Variants in LARGE1 observed in about 807,000 individuals in gnomAD.
LARGE1 encodes LARGE xylosyl- and glucuronyltransferase 1.
In LARGE1, 43 loss-of-function variants were observed where a neutral mutation model predicts 87.6. That is an observed-to-expected ratio of 0.49 (90% CI 0.38 to 0.63). LARGE1 has a LOEUF of 0.63. LARGE1 is among the 30% of genes least tolerant of loss of function. The pLI is 0.00. For synonymous variants in LARGE1, 434 were observed against 394.6 expected (o/e 1.10, Z -1.18); for missense variants, 802 against 1,000.2 (o/e 0.80, Z 2.67).
At chr22:33,785,057 G>A (rs1222199044) in intron 1 of LARGE1, among the ~76,000 whole-genome samples, 1 of 144,352 alleles carries the variant, frequency 6.9e-6, no homozygotes, top group Admixed American at 6.9e-5. Context: ...ACATACATGT[G>A]TATATAGATA....
At chr22:33,738,065 A>C (rs1430829536) in intron 2 of LARGE1, among the ~76,000 whole-genome samples, 2 of 152,170 alleles carry the variant, frequency 1.3e-5, no homozygotes, top group East Asian at 3.8e-4. Flanking sequence ...GTGGAGGTGG[A>C]GATGACGTTG....
chr22:33,782,926 T>A (rs927983183), intron 1 of LARGE1, among the ~76,000 whole-genome samples: 11 of 151,130 alleles, frequency 7.3e-5, no homozygotes, highest in Non-Finnish European at 1.6e-4. Context: ...GTGTTCCACT[T>A]CCACTCATCA....
At chr22:33,068,075 T>C in the LARGE1 span, among the ~76,000 whole-genome samples, 2 of 152,182 alleles carry the variant, frequency 1.3e-5, no homozygotes, top group Admixed American at 1.3e-4. Context: ...TGTCCTGTCC[T>C]GAAATCCAGA....
intron 6 of LARGE1, among the ~76,000 whole-genome samples, chr22:33,527,267 C>T (rs570557057): frequency 1.3e-5 from 2 of 152,196 alleles, no homozygotes; most frequent in South Asian, 2.1e-4. Context: ...AAAAAAGAAG[C>T]GAATTCCAAG....
chr22:33,479,147 G>C (rs1207397705), intron 6 of LARGE1, among the ~76,000 whole-genome samples: 3 of 152,166 alleles, frequency 2.0e-5, no homozygotes, highest in African/African-American at 7.2e-5. Flanking sequence ...TCTCCAACTG[G>C]GGGGCGAGGT....
intron 11 of LARGE1, among the ~76,000 whole-genome samples, chr22:33,229,223 C>T (rs757002244): frequency 2.0e-5 from 3 of 152,218 alleles, no homozygotes; most frequent in Non-Finnish European, 4.4e-5. Flanking sequence ...TTCCAAGACA[C>T]ATGGCCCTCC....
chr22:33,770,851 C>A (rs906627323), intron 1 of LARGE1, among the ~76,000 whole-genome samples: 1 of 152,094 alleles, frequency 6.6e-6, no homozygotes, highest in African/African-American at 2.4e-5. Context: ...GTCATTTACT[C>A]CTCCCATTCT....
At chr22:33,690,163 A>C (rs188455398) in intron 2 of LARGE1, among the ~76,000 whole-genome samples, 1 of 152,322 alleles carries the variant, frequency 6.6e-6, no homozygotes, top group East Asian at 1.9e-4. Context: ...AAAAAGGCAG[A>C]AAGGAAATGG....
intron 2 of LARGE1, among the ~76,000 whole-genome samples, chr22:33,657,711 C>T (rs747707057): frequency 3.9e-5 from 6 of 152,114 alleles, no homozygotes; most frequent in East Asian, 3.9e-4. Context: ...TCAGCTCACT[C>T]GCAGGTGCCA....
At position 33,273,565 on chromosome 22, in the gene LARGE1, C is replaced by T. The variant is rs567603247; in HGVS notation, c.*862G>A. 1.3e-5 allele frequency: 5 copies of T among 398,728 alleles called. No homozygotes were observed. Among genetic ancestry groups the T allele is most frequent in the South Asian group, 1.3e-4 (1 of 7,842 alleles). 24.7% of individuals were successfully genotyped at this position (398,728 alleles called of 1,614,324 possible). ...GTAAAACAGCCAGCCCTCGTAATTCCGCAGTCCCCATCGCTATAGCCCCTG... is the reference window on the plus strand; with the variant it reads ...GTAAAACAGCCAGCCCTCGTAATTCTGCAGTCCCCATCGCTATAGCCCCTG... On this transcript the variant is annotated 3_prime_UTR_variant, in exon 15 of 15. Transcript: ENST00000397394.
At position 33,207,781 on chromosome 22, in the gene LARGE1, C is replaced by A. The variant is rs112278336; in HGVS notation, c.1731-40949G>T. On this transcript the variant is annotated intron_variant, in intron 11 of 11. Transcript: ENST00000608642. ...CCAACAGGGCAAAGGGGATGCCAGGCTACCGTCTTTTAGGCATGTGTGGTC... is the reference window on the plus strand; with the variant it reads ...CCAACAGGGCAAAGGGGATGCCAGGATACCGTCTTTTAGGCATGTGTGGTC... 2.3e-4 allele frequency among the ~76,000 whole-genome samples: 35 copies of A among 152,286 alleles called. 1 individual carries two copies. The highest frequency in any genetic ancestry group is 8.2e-4 in the African/African-American group (34 of 41,560).
chr22:33,437,647 C>T (rs2067318876), intron 6 of LARGE1, among the ~76,000 whole-genome samples: 1 of 152,184 alleles, frequency 6.6e-6, no homozygotes. Context: ...GGACCTCCAG[C>T]TCAGCCATCT....
At chr22:33,777,250 C>T (rs1488116477) in intron 1 of LARGE1, among the ~76,000 whole-genome samples, 1 of 152,128 alleles carries the variant, frequency 6.6e-6, no homozygotes, top group Non-Finnish European at 1.5e-5. Flanking sequence ...TGGGACAGGA[C>T]TTGAATGCTC....
At chr22:33,506,976 T>C (rs80353162) in intron 6 of LARGE1, among the ~76,000 whole-genome samples, 5,385 of 152,254 alleles carry the variant, frequency 0.035, 117 homozygotes, top group South Asian at 0.077. Context: ...TGTCAGCTAT[T>C]TGGGAGACAC....
intron 5 of LARGE1, among the ~76,000 whole-genome samples, chr22:33,569,137 TCTC>T (rs1279647345): frequency 1.3e-5 from 2 of 152,332 alleles, no homozygotes; most frequent in East Asian, 3.9e-4. Flanking sequence ...CAGCTTCCTC[TCTC>T]CTCTAGCAAT....
chr22:33,800,740 C>T (rs547124682), intron 1 of LARGE1, among the ~76,000 whole-genome samples: 5 of 152,280 alleles, frequency 3.3e-5, no homozygotes, highest in South Asian at 2.1e-4. Context: ...TCCTTTTTCT[C>T]GCTGAGTAGT....
At chr22:33,541,047 TGGGTTGCGGGGGGG>T (rs1174815718) in intron 6 of LARGE1, among the ~76,000 whole-genome samples, 90 of 2,180 alleles carry the variant, frequency 0.041, 13 homozygotes, top group East Asian at 0.14. Context: ...GCTGGGGTGG[TGGGTTGCGGGGGGG>T]GGGGGGCGGG....
rs576229534 is a variant in LARGE1, at chr22:33,432,197, G to A, written c.856C>T (p.Arg286Cys). 6 of 1,614,136 alleles carry A rather than the reference G, an allele frequency of 3.7e-6. No individual in the cohort carries two copies. Among genetic ancestry groups the A allele is most frequent in the East Asian group, 2.2e-5 (1 of 44,876 alleles). The change falls in exon 7 of 15, where the codon CGC becomes TGC. Residue 286 changes from arginine to cysteine, a missense_variant. By Grantham distance (180) the Arg-to-Cys change is radical. Around this residue, in one of 2 missense-constraint regions of LARGE1, gnomAD observed 625 missense variants for 841.9 expected, o/e 0.74. Transcript: ENST00000397394. Reference sequence around the variant, plus strand: ...CCTCTTCCAAGGGCTGGCCATGGGCGGTGATTTTTCCACAGGTTTCCAAGG... The same window carrying A: ...CCTCTTCCAAGGGCTGGCCATGGGCAGTGATTTTTCCACAGGTTTCCAAGG... ...WYLGNLWKNHRPWPALGRGYN... is the reference protein window; with the variant it reads ...WYLGNLWKNHCPWPALGRGYN...
intron 1 of LARGE1, among the ~76,000 whole-genome samples, chr22:33,768,745 C>A (rs1213944042): frequency 6.6e-6 from 1 of 152,214 alleles, no homozygotes; most frequent in Admixed American, 6.5e-5. Context: ...AAGCCTCTCC[C>A]TGAGACCAGC....
Sources: allele counts gnomAD v4.1 joint callset (sites outside exome capture counted in the v4.1 genomes callset), GRCh38; gene constraint gnomAD v4.1.1; regional missense constraint gnomAD v4.1.1; transcripts MANE v1.5; gene names NCBI Gene and HGNC (gene_info 2026-07-23, HGNC 2026-07-21).